Variants in MIB1 observed in about 807,000 individuals in gnomAD.
MIB1 encodes E3 ubiquitin-protein ligase MIB1.
In MIB1, 278 loss-of-function variants were observed where a neutral mutation model predicts 124.5. The observed-to-expected ratio is 2.23, with a 90% CI of 2.02 to 2.47. The LOEUF (loss-of-function observed/expected upper bound fraction) is 2.47. MIB1 is among the 30% of genes most tolerant of loss of function. The pLI is 0.00. For missense variants in MIB1, 957 were observed against 1,254.4 expected, an observed-to-expected ratio of 0.76 and a Z score of 3.58; for synonymous variants, 446 against 429.4, an observed-to-expected ratio of 1.04 and a Z score of -0.48.
In MIB1 at chr18:21,855,952, C is replaced by T. The variant is rs1006007358; in HGVS notation, c.2666-1178C>T. On this transcript the variant is annotated intron_variant, in intron 18 of 20. Transcript: ENST00000261537. ...GTAGTATTAACAATCATAACAGGGC[C>T]GGGCGCGGTGGCTCACGCCTGTAAT... 4.6e-5 allele frequency among the ~76,000 whole-genome samples: 7 copies of T among 152,260 alleles called. No individual in the cohort carries two copies. In the South Asian group the frequency reaches 6.2e-4, roughly 14 times the overall value.
At chr18:21,790,785 A>G (rs892157938) in intron 6 of MIB1, among the ~76,000 whole-genome samples, 5 of 152,244 alleles carry the variant, frequency 3.3e-5, no homozygotes, top group Admixed American at 6.5e-5. Context: ...ATAATTGTAT[A>G]TTACTTTTAT....
chr18:21,760,138 A>G (rs1005656034), intron 1 of MIB1, among the ~76,000 whole-genome samples: 17 of 152,190 alleles, frequency 1.1e-4, no homozygotes, highest in African/African-American at 3.4e-4. Flanking sequence ...ATGGTATTCT[A>G]TAGAAAGGAA....
intron 1 of MIB1, among the ~76,000 whole-genome samples, chr18:21,707,090 T>C (rs1248803266): frequency 1.3e-5 from 2 of 152,214 alleles, no homozygotes; most frequent in African/African-American, 4.8e-5. Context: ...CAGCACTCTG[T>C]ATCTAGCTAA....
chr18:21,811,195 G>T (rs1598622403), intron 10 of MIB1, among the ~76,000 whole-genome samples: 1 of 152,094 alleles, frequency 6.6e-6, no homozygotes, highest in South Asian at 2.1e-4. Flanking sequence ...CATTAGGGTG[G>T]CTGTTATCAA....
At chr18:21,812,364 G>T (rs755957298) in intron 10 of MIB1, 1 of 152,162 alleles carries the variant, frequency 6.6e-6, no homozygotes, top group Admixed American at 6.5e-5. Context: ...CATTGAAGAG[G>T]TTTAAACATA....
intron 12 of MIB1, among the ~76,000 whole-genome samples, chr18:21,822,152 C>G (rs1197046740): frequency 6.6e-6 from 1 of 152,166 alleles, no homozygotes; most frequent in Non-Finnish European, 1.5e-5. Flanking sequence ...GGAATTCAAA[C>G]AGCAATTACT....
chr18:21,838,120 A>G (rs1320348395), intron 12 of MIB1, among the ~76,000 whole-genome samples: 1 of 152,154 alleles, frequency 6.6e-6, no homozygotes, highest in Non-Finnish European at 1.5e-5. Context: ...TCAAAAAGCT[A>G]GCTGGGCATG....
intron 10 of MIB1, among the ~76,000 whole-genome samples, chr18:21,810,848 A>G (rs2041765421): frequency 2.0e-5 from 3 of 152,128 alleles, no homozygotes; most frequent in Admixed American, 2.0e-4. Flanking sequence ...ATATGACACC[A>G]AAAGTACAGT....
chr18:21,762,859 T>TA (rs1375256767), intron 1 of MIB1, among the ~76,000 whole-genome samples: 1 of 152,198 alleles, frequency 6.6e-6, no homozygotes, highest in African/African-American at 2.4e-5. Flanking sequence ...TGAAAAAATT[T>TA]AAACTTTTAT....
intron 18 of MIB1, among the ~76,000 whole-genome samples, chr18:21,856,103 G>A (rs968919349): frequency 6.6e-5 from 10 of 151,300 alleles, no homozygotes; most frequent in African/African-American, 1.7e-4. Context: ...GGTGGCGGGC[G>A]CCTGTAGTCC....
chr18:21,786,897 T>A (rs2041441721), intron 6 of MIB1, among the ~76,000 whole-genome samples: 1 of 152,244 alleles, frequency 6.6e-6, no homozygotes, highest in Non-Finnish European at 1.5e-5. Flanking sequence ...TATTTTGAAT[T>A]CTTTAACTGA....
intron 10 of MIB1, among the ~76,000 whole-genome samples, chr18:21,815,052 TATATAAAA>T: frequency 8.5e-6 from 1 of 118,208 alleles, no homozygotes; most frequent in African/African-American, 3.2e-5. Flanking sequence ...TATATATATA[TATATAAAA>T]TTATATATAA....
At chr18:21,715,176 T>G (rs1287861732) in intron 1 of MIB1, among the ~76,000 whole-genome samples, 1 of 152,158 alleles carries the variant, frequency 6.6e-6, no homozygotes, top group East Asian at 1.9e-4. Flanking sequence ...CACAGATGGC[T>G]CATATCACAG....
chr18:21,786,411 T>C (rs554026045), intron 6 of MIB1, among the ~76,000 whole-genome samples: 117 of 152,346 alleles, frequency 7.7e-4, no homozygotes, highest in African/African-American at 2.7e-3. Flanking sequence ...TTGGTTATTA[T>C]TTGGATTTAA....
chr18:21,812,901 A>G (rs2041790418), intron 10 of MIB1, among the ~76,000 whole-genome samples: 1 of 152,224 alleles, frequency 6.6e-6, no homozygotes, highest in Non-Finnish European at 1.5e-5. Flanking sequence ...ATTCAGAAGA[A>G]AGCAACAAAA....
Position 21,870,621 on chromosome 18 carries a change from T to C in MIB1, c.*5955T>C, listed in dbSNP as rs898753333. On this transcript the variant is annotated 3_prime_UTR_variant, in exon 21 of 21. Transcript: ENST00000261537. ...AGCAATGATCTATTTGGGTTTTAGTTTTATGAGTAAATCATTAATTGTATG... is the reference window on the plus strand; with the variant it reads ...AGCAATGATCTATTTGGGTTTTAGTCTTATGAGTAAATCATTAATTGTATG... 2.0e-5 allele frequency: 3 copies of C among 152,186 alleles called. No homozygotes were observed. The highest frequency in any genetic ancestry group is 2.0e-4 in the Admixed American group (3 of 15,284). The allele number at this position is 152,186 out of a possible 1,614,324, so 9.4% of individuals were successfully genotyped here.
chr18:21,765,753 T>G lies in MIB1; in HGVS notation c.230-19T>G. The G allele has an allele frequency of 5.6e-6, 9 of 1,606,662 alleles. No homozygotes were observed. Among genetic ancestry groups the G allele is most frequent in the Non-Finnish European group, 6.8e-6 (8 of 1,174,816 alleles). ...ATAAAATTTGTGATTAATCTGAGCA[T>G]GTGTCCTTGTTTTAATAGGCATCAA... On this transcript the variant is annotated intron_variant, in intron 1 of 20. Transcript: ENST00000261537.
rs950574803 is a variant in MIB1 at position 21,730,955 on chromosome 18, G to A, written n.167+25832G>A. Among the ~76,000 whole-genome samples, 9 of 152,060 alleles carry A rather than the reference G, an allele frequency of 5.9e-5. No individual in the cohort carries two copies. In the East Asian group the frequency reaches 1.5e-3, roughly 26 times the overall value. The stretch of plus-strand genomic sequence containing the variant: ...GTGTTTCATGCTTTCCCCCTCTTTT[G>A]CCAATGGGCTTTCATGTATGTGGTC... On this transcript the variant is annotated intron_variant and non_coding_transcript_variant, in intron 1 of 20. Transcript: ENST00000578646.
At chr18:21,832,606 A>G (rs993329118) in intron 12 of MIB1, among the ~76,000 whole-genome samples, 2 of 152,202 alleles carry the variant, frequency 1.3e-5, no homozygotes, top group South Asian at 2.1e-4. Flanking sequence ...TCCTCTTAAG[A>G]AACAAGAAAA....
Sources: allele counts gnomAD v4.1 joint callset (sites outside exome capture counted in the v4.1 genomes callset), GRCh38; gene constraint gnomAD v4.1.1; transcripts MANE v1.5; gene names NCBI Gene and HGNC (gene_info 2026-07-23, HGNC 2026-07-21).